HCN4: variants seen among roughly 807,000 people sequenced by gnomAD.
HCN4 encodes hyperpolarization activated cyclic nucleotide gated potassium channel 4.
In HCN4, 29 loss-of-function variants were observed where a neutral mutation model predicts 76.9. That is an observed-to-expected ratio of 0.38 (90% CI 0.28 to 0.51). The LOEUF (loss-of-function observed/expected upper bound fraction) is 0.51. HCN4 is among the 20% of genes least tolerant of loss of function. The probability of loss-of-function intolerance (pLI) is 0.90; values close to 1 mark genes in which losing one functional copy is unlikely to be tolerated. For synonymous variants in HCN4, 772 were observed against 762.5 expected (o/e 1.01, Z -0.21); for missense variants, 1,416 against 1,715.2 (o/e 0.83, Z 3.08).
chr15:73,363,402 A>C (rs898763080), intron 1 of HCN4, among the ~76,000 whole-genome samples: 5 of 152,158 alleles, frequency 3.3e-5, no homozygotes, highest in African/African-American at 1.2e-4. Flanking sequence ...TTTTGTTTCC[A>C]TCCTGCTGGC....
In HCN4 at chr15:73,322,881, G is replaced by A; in HGVS notation, c.3212C>T (p.Thr1071Ile). ...PPPQVPQRRG[T>I]PPLTPGRLTQ... ...GAGGCGGCCGGGGGTGAGCGGGGGT[G>A]TGCCCCGGCGCTGGGGGACCTGGGG... The change falls in exon 8 of 8, where the codon ACA becomes ATA. Residue 1071 changes from threonine to isoleucine, a missense_variant. Transcript: ENST00000261917. 2 of 1,463,492 alleles carry A rather than the reference G, an allele frequency of 1.4e-6. No individual in the cohort carries two copies. Among genetic ancestry groups the A allele is most frequent in the Non-Finnish European group, 1.8e-6 (2 of 1,108,830 alleles). The allele number at this position is 1,463,492 out of a possible 1,614,324, so 90.7% of individuals were successfully genotyped here.
chr15:73,363,211 G>A (rs948705620), intron 1 of HCN4, among the ~76,000 whole-genome samples: 2 of 152,174 alleles, frequency 1.3e-5, no homozygotes, highest in South Asian at 2.1e-4. Context: ...AAGGGGCCTC[G>A]GAACCCCCAG....
At chr15:73,334,415 C>A (rs1191565513) in intron 2 of HCN4, among the ~76,000 whole-genome samples, 1 of 152,242 alleles carries the variant, frequency 6.6e-6, no homozygotes, top group South Asian at 2.1e-4. Context: ...CCCAGCAGGT[C>A]CCTGAGCACC....
chr15:73,342,085 G>C (rs1442980609), intron 2 of HCN4, among the ~76,000 whole-genome samples: 1 of 152,216 alleles, frequency 6.6e-6, no homozygotes, highest in African/African-American at 2.4e-5. Flanking sequence ...CTCACAGAGA[G>C]AGTAGGCCCT....
At chr15:73,352,336 C>T (rs1228014673) in intron 1 of HCN4, among the ~76,000 whole-genome samples, 1 of 152,186 alleles carries the variant, frequency 6.6e-6, no homozygotes, top group Non-Finnish European at 1.5e-5. Flanking sequence ...GACTCCTTCC[C>T]ACCAGGCTTC....
At position 73,325,283 on chromosome 15, in the gene HCN4, C is replaced by T. The variant is rs373525704; in HGVS notation, c.1737+15G>A. On this transcript the variant is annotated intron_variant, in intron 5 of 7. Transcript: ENST00000261917. The surrounding 1 kb of genome is among the most constrained non-coding windows in gnomAD (Gnocchi z 7.4). ...GGCCTGGCTCCCCTCCACGCCGGGC[C>T]GCCACACAGCTCACCTCCCGCAGGG... 2.9e-5 allele frequency: 47 copies of T among 1,613,982 alleles called. No individual in the cohort carries two copies. The South Asian group carries it at 3.5e-4, about 12-fold the overall frequency.
In HCN4 at chr15:73,343,921, G is replaced by A; in HGVS notation, c.786-113C>T. 9.0e-7 allele frequency: 1 copy of A among 1,109,436 alleles called. No homozygotes were observed. Among genetic ancestry groups the A allele is most frequent in the South Asian group, 1.3e-5 (1 of 78,334 alleles). The allele number at this position is 1,109,436 out of a possible 1,614,324, so 68.7% of individuals were successfully genotyped here. A position where few individuals can be genotyped will look rare whatever the true frequency, so the allele number is the denominator to read the frequency against. Reference sequence around the variant, plus strand: ...GGACAGAGAAGTCTTGGGAGGTTCTGAGACAGGAAGACAGGCACATGGGTA... The same window carrying A: ...GGACAGAGAAGTCTTGGGAGGTTCTAAGACAGGAAGACAGGCACATGGGTA... On this transcript the variant is annotated intron_variant, in intron 1 of 7. Transcript: ENST00000261917. The surrounding 1 kb of genome is among the most constrained non-coding windows in gnomAD (Gnocchi z 5.7).
rs747356931 is a variant in HCN4 at position 73,367,756 on chromosome 15, G to C, written c.515C>G (p.Pro172Arg). The C allele has an allele frequency of 3.9e-6, 6 of 1,553,168 alleles. No homozygotes were observed. The East Asian group carries it at 1.4e-4, about 37-fold the overall frequency. Reference sequence around the variant, plus strand: ...CTCGCAGGAGGCGGAGGCCGGCTGCGGTGGCTGCTGGGGCGGCGGCGGCGA... The same window carrying C: ...CTCGCAGGAGGCGGAGGCCGGCTGCCGTGGCTGCTGGGGCGGCGGCGGCGA... The part of the protein sequence containing the change: ...AASPPPPQQP[P>R]QPASASCEQP... Residue 172 changes from proline (P) to arginine (R), a missense_variant, in exon 1 of 8, where the codon CCG (proline) becomes CGG (arginine). By Grantham distance (103) the Pro-to-Arg change is moderately radical (BLOSUM62 -2). Transcript: ENST00000261917. This position sits in a 1 kb window ranked among gnomAD's most constrained non-coding sequence, Gnocchi z 7.5.
chr15:73,337,605 T>C (rs1003188346), intron 2 of HCN4, among the ~76,000 whole-genome samples: 1 of 152,222 alleles, frequency 6.6e-6, no homozygotes, highest in East Asian at 1.9e-4. Context: ...ATCAGGTCCT[T>C]GTCTAATTGT....
At position 73,367,356 on chromosome 15, in the gene HCN4, A is replaced by G. The variant is rs2043132983; in HGVS notation, c.785+130T>C. 1.4e-6 allele frequency: 2 copies of G among 1,427,268 alleles called. No individual in the cohort carries two copies. The highest frequency in any genetic ancestry group is 1.4e-5 in the African/African-American group (1 of 70,908). The allele number at this position is 1,427,268 out of a possible 1,614,324, so 88.4% of individuals were successfully genotyped here. ...GGCCTGGGGGTGTCTCGGAGCCTAG[A>G]GGCGCCCTGCCTCTCTTGGAGCTCC... On this transcript the variant is annotated intron_variant, in intron 1 of 7. Coordinates refer to ENST00000261917, the MANE Select transcript of HCN4 (RefSeq NM_005477.3). The surrounding 1 kb of genome is among the most constrained non-coding windows in gnomAD (Gnocchi z 7.5).
chr15:73,342,516 C>T (rs2043011106), intron 2 of HCN4: 1 of 152,264 alleles, frequency 6.6e-6, no homozygotes, highest in Admixed American at 6.5e-5. Context: ...ATAAACATTC[C>T]AACTCCCTTG....
chr15:73,340,562 G>T (rs1196486099), intron 2 of HCN4, among the ~76,000 whole-genome samples: 2 of 152,082 alleles, frequency 1.3e-5, no homozygotes, highest in African/African-American at 2.4e-5. Flanking sequence ...CCTCAGAGTG[G>T]ACCCAGCCGC....
In HCN4 at chr15:73,367,442, C is replaced by A. The variant is rs776665679; in HGVS notation, c.785+44G>T. The stretch of plus-strand genomic sequence containing the variant: ...GCAGGGTCAGGAGGAGGCATGCCTG[C>A]CACCGCGCAGGGCACCCACAGGATC... On this transcript the variant is annotated intron_variant, in intron 1 of 7. Coordinates refer to ENST00000261917, the MANE Select transcript of HCN4 (RefSeq NM_005477.3). This position sits in a 1 kb window ranked among gnomAD's most constrained non-coding sequence, Gnocchi z 7.5. The A allele has an allele frequency of 2.5e-6, 4 of 1,611,138 alleles. No individual in the cohort carries two copies. Among genetic ancestry groups the A allele is most frequent in the Non-Finnish European group, 3.4e-6 (4 of 1,179,604 alleles).
In HCN4 at chr15:73,362,292, T is replaced by C. The variant is rs182550226; in HGVS notation, c.785+5194A>G. 5.3e-5 allele frequency among the ~76,000 whole-genome samples: 8 copies of C among 152,260 alleles called. No individual in the cohort carries two copies. In the East Asian group the frequency reaches 1.6e-3, roughly 30 times the overall value. The stretch of plus-strand genomic sequence containing the variant: ...GCCACAGGCTCTGAGGCCAAAGAGA[T>C]AAAACGGAGCTCTGCCCTCAGGGAG... On this transcript the variant is annotated intron_variant, in intron 1 of 7. Coordinates refer to ENST00000261917, the MANE Select transcript of HCN4 (RefSeq NM_005477.3).
At chr15:73,357,791 T>G (rs1415142359) in intron 1 of HCN4, among the ~76,000 whole-genome samples, 1 of 151,760 alleles carries the variant, frequency 6.6e-6, no homozygotes, top group Non-Finnish European at 1.5e-5. Flanking sequence ...CGACAAAGCC[T>G]CCACAAAACA....
intron 1 of HCN4, among the ~76,000 whole-genome samples, chr15:73,352,863 A>C (rs939476889): frequency 3.3e-5 from 5 of 152,150 alleles, no homozygotes; most frequent in African/African-American, 9.7e-5. Flanking sequence ...ACCCAGGAGG[A>C]GTCTTAGGGC....
chr15:73,348,007 C>T (rs184928948), intron 1 of HCN4, among the ~76,000 whole-genome samples: 1 of 152,288 alleles, frequency 6.6e-6, no homozygotes, highest in Admixed American at 6.5e-5. Flanking sequence ...CAGGAAGAGG[C>T]AACTTATAGG....
At chr15:73,353,013 G>C (rs2043061780) in intron 1 of HCN4, among the ~76,000 whole-genome samples, 2 of 151,178 alleles carry the variant, frequency 1.3e-5, no homozygotes, top group African/African-American at 2.4e-5. Context: ...CAGATGGATG[G>C]ATGGATGGAT....
intron 1 of HCN4, among the ~76,000 whole-genome samples, chr15:73,362,397 G>A (rs971624282): frequency 3.9e-5 from 6 of 152,232 alleles, no homozygotes; most frequent in African/African-American, 1.4e-4. Flanking sequence ...TCCTGGTCTG[G>A]ACACCAGCCA....
Sources: allele counts gnomAD v4.1 joint callset (sites outside exome capture counted in the v4.1 genomes callset), GRCh38; gene constraint gnomAD v4.1.1; non-coding constraint Gnocchi (gnomAD v3.1); transcripts MANE v1.5; gene names NCBI Gene and HGNC (gene_info 2026-07-23, HGNC 2026-07-21).